The following C19orf38 variants were observed in gnomAD, a reference collection of about 807,000 sequenced individuals.
The protein encoded by C19orf38 is protein HIDE1.
In C19orf38, 14 loss-of-function variants were observed where a neutral mutation model predicts 26.6. The ratio of observed to expected loss-of-function variants is 0.53; its 90% CI spans 0.35 to 0.82. The LOEUF (loss-of-function observed/expected upper bound fraction) is 0.82. Ranked by LOEUF, C19orf38 falls within the 40% of genes least tolerant of loss-of-function variation. The probability of loss-of-function intolerance (pLI) is 0.01; values close to 1 mark genes in which losing one functional copy is unlikely to be tolerated. For synonymous variants in C19orf38, 132 were observed against 128.5 expected, an observed-to-expected ratio of 1.03 and a Z score of -0.18; for missense variants, 261 against 299.5, an observed-to-expected ratio of 0.87 and a Z score of 0.95.
intron 1 of C19orf38, among the ~76,000 whole-genome samples, chr19:10,838,349 G>A (rs1454210418): frequency 1.3e-5 from 2 of 152,204 alleles, no homozygotes; most frequent in African/African-American, 4.8e-5. Flanking sequence ...AGCGGAGCTT[G>A]CAGTGAGCCC....
Position 10,853,537 on chromosome 19 carries a change from C to T in C19orf38, c.341-2728C>T, listed in dbSNP as rs562277923. 1.6e-3 allele frequency among the ~76,000 whole-genome samples: 240 copies of T among 151,634 alleles called. 2 individuals are homozygous for T. The highest frequency in any genetic ancestry group is 5.8e-3 in the African/African-American group (238 of 41,338). On this transcript the variant is annotated intron_variant, in intron 2 of 6. Coordinates refer to ENST00000397820, the MANE Select transcript of C19orf38 (RefSeq NM_001136482.3). ...CTGACCTCAGGTGTTCTGCCTGCCT[C>T]GGCCTCACAAAGTGCTGGAATTACA...
chr19:10,855,280 A>C (rs939523821), intron 2 of C19orf38, among the ~76,000 whole-genome samples: 52 of 151,722 alleles, frequency 3.4e-4, no homozygotes, highest in Admixed American at 1.3e-4. Context: ...TGATCCACCC[A>C]CCTCAGTCTC....
At chr19:10,862,121 C>T (rs1042733736) in intron 5 of C19orf38, among the ~76,000 whole-genome samples, 2 of 150,838 alleles carry the variant, frequency 1.3e-5, no homozygotes, top group East Asian at 2.0e-4. Flanking sequence ...AGGATGGTCT[C>T]GATCTCCTGA....
intron 1 of C19orf38, chr19:10,841,909 TGC>T: frequency 6.3e-7 from 1 of 1,599,884 alleles, no homozygotes; most frequent in Non-Finnish European, 8.6e-7. Context: ...TCAAATGGAA[TGC>T]CAGTGTGGCA....
rs1303406957 is a variant in C19orf38 at position 10,841,262 on chromosome 19, G to GT, written c.-69+4495dup. 2.6e-5 allele frequency among the ~76,000 whole-genome samples: 4 copies of GT among 152,012 alleles called. No individual in the cohort carries two copies. In the South Asian group the frequency reaches 8.3e-4, roughly 32 times the overall value. On this transcript the variant is annotated intron_variant, in intron 1 of 7. Coordinates refer to the C19orf38 transcript ENST00000592854. ...GCCAGAGGATCTCTTGAGCCAAGGA[G>GT]TTTGAGACCAGCCTTGGCAACGTAG... is the stretch of plus-strand genomic sequence containing the variant.
rs1434998191 is a variant in C19orf38, at chr19:10,848,482, G to A, written c.-27G>A. 2.3e-5 allele frequency: 36 copies of A among 1,551,378 alleles called. No homozygotes were observed. The highest frequency in any genetic ancestry group is 1.2e-4 in the African/African-American group (9 of 73,050). ...GCCTTGGGCCCCTCTGGCCTCAGCCGGATTTCCCAGCCAAACGCAGAGAGA... is the reference window on the plus strand; with the variant it reads ...GCCTTGGGCCCCTCTGGCCTCAGCCAGATTTCCCAGCCAAACGCAGAGAGA... On this transcript the variant is annotated 5_prime_UTR_variant, in exon 1 of 7. Transcript: ENST00000397820.
rs1212055523 is a variant in C19orf38, at chr19:10,856,336, G to C, written c.412G>C (p.Val138Leu). The change falls in exon 3 of 7, where the codon GTT becomes CTT. Residue 138 changes from valine to leucine, a missense_variant. Physicochemically the swap from Val to Leu is conservative, Grantham distance 32 (BLOSUM62 1). Coordinates refer to ENST00000397820, the MANE Select transcript of C19orf38 (RefSeq NM_001136482.3). ...CTTCCTCCTTGCTGGGCTGGTGGCTGTTGCCCTGGTGGTCAGAAAAGGTAA... is the reference window on the plus strand; with the variant it reads ...CTTCCTCCTTGCTGGGCTGGTGGCTCTTGCCCTGGTGGTCAGAAAAGGTAA... ...ALFLLAGLVAVALVVRKVKLR... is the reference protein window; with the variant it reads ...ALFLLAGLVALALVVRKVKLR... 2 of 1,551,068 alleles carry C rather than the reference G, an allele frequency of 1.3e-6. No individual in the cohort carries two copies.
chr19:10,850,195 C>A, intron 1 of C19orf38, 64 bp from the exon 2 acceptor site: 1 of 1,441,448 alleles, frequency 6.9e-7, no homozygotes, highest in South Asian at 1.4e-5. Flanking sequence ...TTGCCCGAGG[C>A]CACATAGCCA....
upstream of C19orf38, among the ~76,000 whole-genome samples, chr19:10,847,335 T>C (rs1333281183): frequency 2.0e-5 from 3 of 151,696 alleles, no homozygotes; most frequent in Non-Finnish European, 2.9e-5. Context: ...TTGCATTTCC[T>C]ACTACAAGTT....
At chr19:10,837,417 C>T (rs143316421) in intron 1 of C19orf38, among the ~76,000 whole-genome samples, 3 of 150,500 alleles carry the variant, frequency 2.0e-5, no homozygotes, top group African/African-American at 7.3e-5. Flanking sequence ...CTATCATTTA[C>T]ACTCACTGCT....
upstream of C19orf38, among the ~76,000 whole-genome samples, chr19:10,848,091 T>C (rs1158843236): frequency 3.3e-5 from 5 of 152,086 alleles, no homozygotes; most frequent in Non-Finnish European, 7.4e-5. Context: ...CTCAGGAGGC[T>C]GAGGCAGGAG....
chr19:10,859,537 C>A (rs2073675736), intron 4 of C19orf38, among the ~76,000 whole-genome samples: 1 of 151,130 alleles, frequency 6.6e-6, no homozygotes, highest in Non-Finnish European at 1.5e-5. Flanking sequence ...CACATGCCAC[C>A]ACACCTGGCT....
chr19:10,851,997 C>CA (rs1049467557), intron 2 of C19orf38, among the ~76,000 whole-genome samples: 2 of 143,710 alleles, frequency 1.4e-5, no homozygotes, highest in African/African-American at 5.2e-5. Flanking sequence ...AAAAAAAATA[C>CA]AAAAAATAGC....
chr19:10,841,063 T>C (rs1231489668), intron 1 of C19orf38, among the ~76,000 whole-genome samples: 1 of 151,306 alleles, frequency 6.6e-6, no homozygotes, highest in African/African-American at 2.4e-5. Flanking sequence ...ATATCTTCTT[T>C]GGAAAGGTAT....
intron 3 of C19orf38, among the ~76,000 whole-genome samples, chr19:10,857,457 A>G (rs2146263637): frequency 7.2e-6 from 1 of 139,814 alleles, no homozygotes; most frequent in East Asian, 2.2e-4. Flanking sequence ...CTCTGTTGCC[A>G]GCCTGGAGTG....
intron 2 of C19orf38, among the ~76,000 whole-genome samples, chr19:10,853,933 G>A (rs1446554655): frequency 6.8e-6 from 1 of 147,426 alleles, no homozygotes; most frequent in Middle Eastern, 3.5e-3. Context: ...AGGAGGGACT[G>A]CTGGCATGTG....
chr19:10,844,898 C>T (rs964294448), upstream of C19orf38, among the ~76,000 whole-genome samples: 4 of 150,530 alleles, frequency 2.7e-5, no homozygotes, highest in African/African-American at 7.3e-5. Flanking sequence ...TGGCTTACGC[C>T]TGTAATCCCA....
chr19:10,859,206 G>C (rs754697861), intron 4 of C19orf38, among the ~76,000 whole-genome samples: 13 of 149,552 alleles, frequency 8.7e-5, no homozygotes, highest in Non-Finnish European at 1.9e-4. Flanking sequence ...CAAAGTGCTG[G>C]GATTACAGGC....
At chr19:10,864,338 G>A (rs2073731455) in intron 6 of C19orf38, among the ~76,000 whole-genome samples, 1 of 152,080 alleles carries the variant, frequency 6.6e-6, no homozygotes, top group Non-Finnish European at 1.5e-5. Flanking sequence ...CATGCTGGCT[G>A]GCTGCGGAAG....
Sources: allele counts gnomAD v4.1 joint callset (sites outside exome capture counted in the v4.1 genomes callset), GRCh38; gene constraint gnomAD v4.1.1; transcripts MANE v1.5; gene names NCBI Gene and HGNC (gene_info 2026-07-23, HGNC 2026-07-21).